CSF2RA: variants seen among roughly 807,000 people sequenced by gnomAD.
The protein encoded by CSF2RA is colony stimulating factor 2 receptor subunit alpha.
In CSF2RA, 42 loss-of-function variants were observed where a neutral mutation model predicts 51.6. The ratio of observed to expected loss-of-function variants is 0.81; its 90% confidence interval spans 0.64 to 1.05. The LOEUF (loss-of-function observed/expected upper bound fraction) is 1.05, where lower values mean the gene tolerates loss of function less well. Among genes scored for constraint, CSF2RA ranks in the 50% least tolerant of loss-of-function variants. The pLI, the probability that CSF2RA is intolerant of heterozygous loss-of-function variation, is 0.00. For synonymous variants in CSF2RA, 222 were observed against 193.0 expected (o/e 1.15, Z -1.24); for missense variants, 530 against 501.1 (o/e 1.06, Z -0.55).
chrX:1,309,404 C>G lies in CSF2RA; in HGVS notation c.1128C>G (p.Ile376Met). ...LNDNHEVEDE[I>M]IWEEFTPEEG... Reference sequence around the variant, plus strand: ...GCCTGAACCCTCCTTTTTCTCAGATCATCTGGGAGGAATTCACCCCAGAGG... The same window carrying G: ...GCCTGAACCCTCCTTTTTCTCAGATGATCTGGGAGGAATTCACCCCAGAGG... The change falls in exon 13 of 13, where the codon ATC becomes ATG. Residue 376 changes from isoleucine (I) to methionine (M), a missense_variant and splice_region_variant. Coordinates refer to ENST00000381529, the MANE Select transcript of CSF2RA (RefSeq NM_172245.4). 6.2e-7 allele frequency: 1 copy of G among 1,613,916 alleles called. No individual in the cohort carries two copies. Among genetic ancestry groups the G allele is most frequent in the Non-Finnish European group, 8.5e-7 (1 of 1,179,828 alleles).
At chrX:1,308,229 C>T (rs1317821687) in intron 12 of CSF2RA, among the ~76,000 whole-genome samples, 1 of 152,106 alleles carries the variant, frequency 6.6e-6, no homozygotes, top group African/African-American at 2.4e-5. Flanking sequence ...GGACTGTAGC[C>T]TAGTCACGGG....
chrX:1,313,390 C>T (rs181556125), downstream of CSF2RA, among the ~76,000 whole-genome samples: 1,039 of 151,852 alleles, frequency 6.8e-3, 7 homozygotes, highest in African/African-American at 0.024. Flanking sequence ...GCCAAGATCA[C>T]GCCACTGCAC....
chrX:1,285,285 C>A (rs1160030276), intron 3 of CSF2RA, among the ~76,000 whole-genome samples: 2 of 151,610 alleles, frequency 1.3e-5, no homozygotes, highest in Non-Finnish European at 2.9e-5. Flanking sequence ...GGAAGATGGA[C>A]AAGGGAGGAA....
At chrX:1,303,836 A>C in intron 10 of CSF2RA, 87 bp from the exon 11 acceptor site, 3 of 1,138,126 alleles carry the variant, frequency 2.6e-6, no homozygotes, top group Non-Finnish European at 2.7e-6. Flanking sequence ...CTTTGGCTAA[A>C]TGCATTTGGA....
intron 3 of CSF2RA, 145 bp from the exon 4 acceptor site, chrX:1,285,630 GCTT>G: frequency 2.3e-5 from 1 of 43,600 alleles, no homozygotes; most frequent in Non-Finnish European, 2.9e-5. Context: ...GGGTGGTGGA[GCTT>G]GCAGCTTGCA....
At position 1,288,783 on chromosome X, in the gene CSF2RA, A is replaced by C; in HGVS notation, c.368A>C (p.Asn123Thr). The change falls in exon 6 of 13, where the codon AAT becomes ACT. Residue 123 changes from asparagine (N) to threonine (T), a missense_variant. By Grantham distance (65) the Asn-to-Thr change is moderately conservative. Transcript: ENST00000381529. ...GGAAGGGAGGGTACCGCTGCTCAGA[A>C]TTTCTCCTGTTTCATCTACAATGCG... ...NSGREGTAAQNFSCFIYNADL... is the reference protein window; with the variant it reads ...NSGREGTAAQTFSCFIYNADL... 6.2e-7 allele frequency: 1 copy of C among 1,613,872 alleles called. No homozygotes were observed. The highest frequency in any genetic ancestry group is 8.5e-7 in the Non-Finnish European group (1 of 1,179,848).
chrX:1,312,638 G>T (rs187340116), downstream of CSF2RA, among the ~76,000 whole-genome samples: 33 of 152,208 alleles, frequency 2.2e-4, no homozygotes, highest in Non-Finnish European at 4.3e-4. Flanking sequence ...CACAGATACC[G>T]AAACATCAAC....
rs1269311932 is a variant in CSF2RA, at chrX:1,288,661, G to C, written c.343+19G>C. ...AATTCAGGTAAGCAAGACAGCTCAGGGATCCGTTTACAGCACTGGCCCCAC... is the reference window on the plus strand; with the variant it reads ...AATTCAGGTAAGCAAGACAGCTCAGCGATCCGTTTACAGCACTGGCCCCAC... On this transcript the variant is annotated intron_variant, in intron 5 of 12. Transcript: ENST00000381529. The C allele has an allele frequency of 3.1e-6, 5 of 1,613,768 alleles. No individual in the cohort carries two copies. In the African/African-American group the frequency reaches 5.3e-5, roughly 17 times the overall value.
intron 7 of CSF2RA, among the ~76,000 whole-genome samples, chrX:1,291,119 AC>A (rs1337682546): frequency 5.9e-5 from 9 of 151,808 alleles, no homozygotes; most frequent in Non-Finnish European, 1.2e-4. Context: ...GCAGTGTTTC[AC>A]CATCTTGGCC....
At chrX:1,276,169 TTTTGTTTGTTTGTTTGTTTG>T (rs761009311) in intron 2 of CSF2RA, among the ~76,000 whole-genome samples, 1 of 146,054 alleles carries the variant, frequency 6.8e-6, no homozygotes. Context: ...CCTGGCTAAA[TTTTGTTTGTTTGTTTGTTTG>T]TTTGTTTGTT....
chrX:1,314,519 TGCCCAATCCCACTG>T (rs1341448787), downstream of CSF2RA, among the ~76,000 whole-genome samples: 4 of 107,880 alleles, frequency 3.7e-5, no homozygotes, highest in African/African-American at 1.5e-4. Flanking sequence ...GCACTGCACC[TGCCCAATCCCACTG>T]CACCTGCCCA....
intron 9 of CSF2RA, chrX:1,300,279 C>A: frequency 3.4e-6 from 2 of 580,206 alleles, no homozygotes; most frequent in Admixed American, 6.6e-5. Flanking sequence ...CAAATTTTCC[C>A]AACTTGTCTC....
chrX:1,295,411 T>G lies in CSF2RA; in HGVS notation c.781-16T>G. The stretch of plus-strand genomic sequence containing the variant: ...GGAAACAGTGAGCCTTGTGTTGTGT[T>G]TTGTTTTGTTTCTAGAATACCCAGC... On this transcript the variant is annotated splice_polypyrimidine_tract_variant and intron_variant, in intron 8 of 12. Coordinates refer to ENST00000381529, the MANE Select transcript of CSF2RA (RefSeq NM_172245.4). 4 of 1,613,472 alleles carry G rather than the reference T, an allele frequency of 2.5e-6. No homozygotes were observed. Among genetic ancestry groups the G allele is most frequent in the African/African-American group, 1.3e-5 (1 of 74,948 alleles).
intron 9 of CSF2RA, among the ~76,000 whole-genome samples, chrX:1,299,099 G>A (rs760497588): frequency 2.6e-5 from 4 of 152,286 alleles, no homozygotes; most frequent in African/African-American, 9.6e-5. Flanking sequence ...ACTGGGCAGG[G>A]TCTGCTCTTG....
downstream of CSF2RA, among the ~76,000 whole-genome samples, chrX:1,314,604 C>CACTGCACCTGCCCAACCA: frequency 6.3e-4 from 4 of 6,366 alleles, 2 homozygotes; most frequent in Admixed American, 3.4e-3. Context: ...CTGCCCAACC[C>CACTGCACCTGCCCAACCA]CACTGCACCT....
chrX:1,296,331 T>C (rs2091953278), intron 9 of CSF2RA, among the ~76,000 whole-genome samples: 1 of 133,980 alleles, frequency 7.5e-6, no homozygotes, highest in Non-Finnish European at 1.6e-5. Flanking sequence ...TACACTCTCC[T>C]ACCCATGACC....
chrX:1,291,669 A>T (rs774834608), intron 7 of CSF2RA, among the ~76,000 whole-genome samples: 5 of 152,066 alleles, frequency 3.3e-5, no homozygotes, highest in Admixed American at 3.3e-4. Flanking sequence ...CCACCCTGGA[A>T]CCCCTGCCCC....
chrX:1,294,524 G>C (rs1323974650), intron 8 of CSF2RA, 63 bp downstream of exon 8: 4 of 1,605,866 alleles, frequency 2.5e-6, no homozygotes, highest in Non-Finnish European at 3.4e-6. Flanking sequence ...GCCCGCACAG[G>C]AGCCTGGGAA....
chrX:1,291,120 C>T (rs1179668602), intron 7 of CSF2RA, among the ~76,000 whole-genome samples: 1 of 152,002 alleles, frequency 6.6e-6, no homozygotes, highest in African/African-American at 2.4e-5. Context: ...CAGTGTTTCA[C>T]CATCTTGGCC....
Sources: gnomAD v4.1 joint callset for allele counts (sites outside exome capture counted in the v4.1 genomes callset) on GRCh38, gnomAD v4.1.1 for gene constraint, MANE v1.5 for transcripts, NCBI Gene and HGNC (gene_info 2026-07-23, HGNC 2026-07-21) for gene names.